Variants in WDR93 observed in about 807,000 individuals in gnomAD.
WDR93 encodes the protein WD repeat domain 93.
A neutral mutation model predicts 82.9 loss-of-function variants in WDR93; 73 were observed. That is an observed-to-expected ratio of 0.88 (90% confidence interval 0.73 to 1.07). WDR93 has a LOEUF of 1.07. WDR93 is among the 50% of genes least tolerant of loss of function. WDR93 has a pLI of 0.00. For missense variants in WDR93, 738 were observed against 826.0 expected (o/e 0.89, Z 1.31); for synonymous variants, 283 against 300.1 (o/e 0.94, Z 0.59).
chr15:89,708,850 G>A (rs546529833), intron 4 of WDR93, among the ~76,000 whole-genome samples: 89 of 152,302 alleles, frequency 5.8e-4, no homozygotes, highest in Non-Finnish European at 1.5e-4. Context: ...CTCACCAGCC[G>A]AATTATCAGA....
At chr15:89,739,503 T>C (rs573430049) in intron 16 of WDR93, among the ~76,000 whole-genome samples, 70 of 152,204 alleles carry the variant, frequency 4.6e-4, no homozygotes, top group Non-Finnish European at 8.5e-4. Flanking sequence ...TGCCCTCCTT[T>C]CTGCTATCAA....
chr15:89,727,970 A>G (rs1244293273), intron 9 of WDR93, among the ~76,000 whole-genome samples: 6 of 152,100 alleles, frequency 3.9e-5, no homozygotes, highest in Non-Finnish European at 7.4e-5. Flanking sequence ...AATTCCAGCT[A>G]CTTAGGAGGC....
In WDR93 at chr15:89,715,557, T is replaced by C. The variant is rs1596090296; in HGVS notation, c.756+462T>C. ...AAACTCTACCATTTCAGTTTATTTA[T>C]ATATGATGACTGGGCCTTGTGCTGT... On this transcript the variant is annotated intron_variant, in intron 6 of 16. Coordinates refer to ENST00000268130, the MANE Select transcript of WDR93 (RefSeq NM_020212.2). Among the ~76,000 whole-genome samples, 6 of 152,300 alleles carry C rather than the reference T, an allele frequency of 3.9e-5. 1 individual carries two copies. The highest frequency in any genetic ancestry group is 3.9e-4 in the Admixed American group (6 of 15,288).
intron 11 of WDR93, among the ~76,000 whole-genome samples, chr15:89,730,093 G>C (rs1283532821): frequency 1.3e-5 from 2 of 152,226 alleles, no homozygotes; most frequent in African/African-American, 4.8e-5. Flanking sequence ...GGGAGGCCGA[G>C]GCGAGTGGAT....
At chr15:89,696,206 A>G (rs561141543) in intron 1 of WDR93, among the ~76,000 whole-genome samples, 1 of 152,284 alleles carries the variant, frequency 6.6e-6, no homozygotes, top group East Asian at 1.9e-4. Context: ...CATTTTTGAG[A>G]ATGCTGTATA....
chr15:89,729,682 G>A lies in WDR93; in HGVS notation c.1124-1G>A. On this transcript the variant is annotated splice_acceptor_variant, in intron 10 of 16. Coordinates refer to ENST00000268130, the MANE Select transcript of WDR93 (RefSeq NM_020212.2). LOFTEE classifies it high-confidence loss of function. ...CTGTCTTTCCCCCGCCCCCCCACCAGGAATGGCCTGTGTCCTTGGTATACA... is the reference window on the plus strand; with the variant it reads ...CTGTCTTTCCCCCGCCCCCCCACCAAGAATGGCCTGTGTCCTTGGTATACA... 6.2e-7 allele frequency: 1 copy of A among 1,611,810 alleles called. No individual in the cohort carries two copies. Among genetic ancestry groups the A allele is most frequent in the Non-Finnish European group, 8.5e-7 (1 of 1,179,382 alleles).
At chr15:89,693,543 C>G (rs1201121296) in intron 1 of WDR93, among the ~76,000 whole-genome samples, 1 of 152,106 alleles carries the variant, frequency 6.6e-6, no homozygotes, top group Non-Finnish European at 1.5e-5. Flanking sequence ...CAAACCTACC[C>G]CTAAAAGTCT....
intron 8 of WDR93, among the ~76,000 whole-genome samples, chr15:89,724,063 G>A (rs892206379): frequency 2.6e-5 from 4 of 152,114 alleles, no homozygotes; most frequent in East Asian, 1.9e-4. Flanking sequence ...ATAGCTGGGC[G>A]TGATGGCGTG....
chr15:89,708,308 G>A (rs186160839), intron 4 of WDR93, among the ~76,000 whole-genome samples: 332 of 152,196 alleles, frequency 2.2e-3, no homozygotes, highest in African/African-American at 7.7e-3. Context: ...TCTGCTCATC[G>A]AAAGATGCTA....
intron 14 of WDR93, among the ~76,000 whole-genome samples, chr15:89,736,814 C>T (rs11636871): frequency 0.03 from 4,055 of 134,262 alleles, 96 homozygotes; most frequent in Middle Eastern, 0.086. Flanking sequence ...TTTTTTGAAA[C>T]GGAGTCTCGC....
At chr15:89,731,847 T>C (rs1387784908) in intron 12 of WDR93, among the ~76,000 whole-genome samples, 1 of 152,216 alleles carries the variant, frequency 6.6e-6, no homozygotes, top group Non-Finnish European at 1.5e-5. Context: ...ATTATTACAC[T>C]CCAGTGAAGA....
Position 89,722,146 on chromosome 15 carries a change from G to A in WDR93, c.880+7G>A. 3 of 1,580,504 alleles carry A rather than the reference G, an allele frequency of 1.9e-6. No homozygotes were observed. Among genetic ancestry groups the A allele is most frequent in the East Asian group, 2.3e-5 (1 of 44,232 alleles). On this transcript the variant is annotated splice_region_variant and intron_variant, in intron 8 of 16. Coordinates refer to ENST00000268130, the MANE Select transcript of WDR93 (RefSeq NM_020212.2). ...CCACCTAAGCCTGTTACAGGTAAGT[G>A]TGATTCAAATCTCTCTCCTTTTGCC...
At chr15:89,707,422 G>T (rs1212578283) in intron 4 of WDR93, among the ~76,000 whole-genome samples, 1 of 151,930 alleles carries the variant, frequency 6.6e-6, no homozygotes, top group African/African-American at 2.4e-5. Flanking sequence ...ATGGTGGCAG[G>T]CGCCTATATC....
chr15:89,741,283 T>C (rs374681701), intron 16 of WDR93, among the ~76,000 whole-genome samples: 1 of 152,198 alleles, frequency 6.6e-6, no homozygotes, highest in Non-Finnish European at 1.5e-5. Context: ...CAGGCTGGAG[T>C]GCAGTGGTGC....
At chr15:89,714,346 T>C (rs1056583988) in intron 5 of WDR93, 1 of 152,206 alleles carries the variant, frequency 6.6e-6, no homozygotes, top group Non-Finnish European at 1.5e-5. Flanking sequence ...TTTTTTGAGA[T>C]GGAGTTTCAC....
intron 11 of WDR93, 49 bp from the exon 12 acceptor site, chr15:89,731,394 G>A: frequency 6.3e-7 from 1 of 1,596,304 alleles, no homozygotes. Flanking sequence ...GAAGTGATGG[G>A]TAGGTGCAGA....
At position 89,743,450 on chromosome 15, in the gene WDR93, C is replaced by T; in HGVS notation, c.*59C>T. 4 of 1,538,058 alleles carry T rather than the reference C, an allele frequency of 2.6e-6. No individual in the cohort carries two copies. The highest frequency in any genetic ancestry group is 3.6e-6 in the Non-Finnish European group (4 of 1,115,044). On this transcript the variant is annotated 3_prime_UTR_variant, in exon 17 of 17. Transcript: ENST00000268130. ...GTTTCAGCCACGAGGCAGCTGCTCC[C>T]AGGACACTGAGGCCAAGAGAAATGT...
intron 8 of WDR93, among the ~76,000 whole-genome samples, chr15:89,724,727 C>T (rs1234058226): frequency 6.6e-6 from 1 of 152,190 alleles, no homozygotes; most frequent in Non-Finnish European, 1.5e-5. Flanking sequence ...CATCATTAGT[C>T]TGCAGGGAAG....
At chr15:89,702,867 C>G in intron 2 of WDR93, 83 bp from the exon 3 acceptor site, 9 of 1,389,604 alleles carry the variant, frequency 6.5e-6, no homozygotes, top group Non-Finnish European at 8.8e-6. Context: ...CTAGGAAGGG[C>G]CCCTGAATGT....
Sources: gnomAD v4.1 joint callset for allele counts (sites outside exome capture counted in the v4.1 genomes callset) on GRCh38, gnomAD v4.1.1 for gene constraint, MANE v1.5 for transcripts, NCBI Gene and HGNC (gene_info 2026-07-23, HGNC 2026-07-21) for gene names.